The following NHERF1 variants were observed in gnomAD, a reference collection of about 807,000 sequenced individuals.
The protein encoded by NHERF1 is Na(+)/H(+) exchange regulatory cofactor NHE-RF1.
chr17:74,755,436 C>T, the NHERF1 span, among the ~76,000 whole-genome samples: 1 of 152,176 alleles, frequency 6.6e-6, no homozygotes, highest in African/African-American at 2.4e-5. Flanking sequence ...AAGCCTTCCC[C>T]TCATGGTAGG....
At chr17:74,756,780 T>G in the NHERF1 span, among the ~76,000 whole-genome samples, 1 of 152,178 alleles carries the variant, frequency 6.6e-6, no homozygotes, top group Non-Finnish European at 1.5e-5. Context: ...AATACTTTCC[T>G]TTTAGGACTA....
At chr17:74,765,190 T>TTGAGC in the NHERF1 span, among the ~76,000 whole-genome samples, 2 of 152,172 alleles carry the variant, frequency 1.3e-5, no homozygotes, top group East Asian at 3.8e-4. Flanking sequence ...GACACACCCC[T>TTGAGC]TGAGCCTTCT....
the NHERF1 span, chr17:74,749,126 G>A: frequency 1.3e-6 from 2 of 1,569,298 alleles, no homozygotes; most frequent in Non-Finnish European, 1.7e-6. This position sits in a 1 kb window ranked among gnomAD's most constrained non-coding sequence, Gnocchi z 5.6. Context: ...GGTCGACCCC[G>A]AGACGGACGA....
At chr17:74,748,733 G>C in the NHERF1 span, 1 of 966,206 alleles carries the variant, frequency 1.0e-6, no homozygotes, top group Non-Finnish European at 1.5e-6. This position sits in a 1 kb window ranked among gnomAD's most constrained non-coding sequence, Gnocchi z 4.3. Context: ...CCGTCCGGCG[G>C]CTCAGGGCTT....
chr17:74,763,158 T>C, the NHERF1 span: 6 of 535,466 alleles, frequency 1.1e-5, no homozygotes, highest in African/African-American at 9.5e-5. Flanking sequence ...GCCCTTCCCA[T>C]GTATCCTGCC....
the NHERF1 span, chr17:74,768,238 T>C: frequency 2.2e-4 from 356 of 1,610,594 alleles, no homozygotes; most frequent in Non-Finnish European, 2.8e-4. Context: ...AGCGAGGAGG[T>C]AGGCCAGCCA....
chr17:74,751,938 C>CACGT, the NHERF1 span, among the ~76,000 whole-genome samples: 1 of 152,224 alleles, frequency 6.6e-6, no homozygotes. The surrounding 1 kb of genome is among the most constrained non-coding windows in gnomAD (Gnocchi z 4.3). Context: ...GTGTGTAAAG[C>CACGT]ACGTAGCTCA....
chr17:74,749,511 T>C, the NHERF1 span, among the ~76,000 whole-genome samples: 6 of 152,202 alleles, frequency 3.9e-5, no homozygotes, highest in African/African-American at 1.4e-4. The surrounding 1 kb of genome is among the most constrained non-coding windows in gnomAD (Gnocchi z 5.6). Context: ...TGCTGGGAGC[T>C]TGAGCGCCTT....
At chr17:74,765,557 C>CA in the NHERF1 span, among the ~76,000 whole-genome samples, 2 of 128,830 alleles carry the variant, frequency 1.6e-5, no homozygotes, top group Non-Finnish European at 3.3e-5. Context: ...CGCGCCTGGC[C>CA]TTTTTTTTTT....
the NHERF1 span, among the ~76,000 whole-genome samples, chr17:74,764,728 G>A: frequency 6.6e-6 from 1 of 152,210 alleles, no homozygotes; most frequent in Non-Finnish European, 1.5e-5. This position sits in a 1 kb window ranked among gnomAD's most constrained non-coding sequence, Gnocchi z 4.9. Context: ...CAAAGGACCT[G>A]AAGAGGGAGA....
At chr17:74,748,728 C>G in the NHERF1 span, 1 of 911,870 alleles carries the variant, frequency 1.1e-6, no homozygotes, top group Non-Finnish European at 1.6e-6. This position sits in a 1 kb window ranked among gnomAD's most constrained non-coding sequence, Gnocchi z 4.3. Flanking sequence ...TTGGCCCGTC[C>G]GGCGGCTCAG....
the NHERF1 span, chr17:74,763,423 G>T: frequency 1.9e-6 from 3 of 1,613,954 alleles, no homozygotes; most frequent in Non-Finnish European, 2.5e-6. Context: ...CCGCCATCAG[G>T]GCTGGCGGGG....
chr17:74,755,622 C>A, the NHERF1 span, among the ~76,000 whole-genome samples: 2 of 152,186 alleles, frequency 1.3e-5, no homozygotes, highest in African/African-American at 4.8e-5. Flanking sequence ...GCTCTGAATT[C>A]TCCGAGACAG....
chr17:74,760,119 C>G, the NHERF1 span, among the ~76,000 whole-genome samples: 1 of 152,258 alleles, frequency 6.6e-6, no homozygotes, highest in East Asian at 1.9e-4. The surrounding 1 kb of genome is among the most constrained non-coding windows in gnomAD (Gnocchi z 4.5). Flanking sequence ...ACCTAGGCGG[C>G]CCGGGGGAGG....
the NHERF1 span, among the ~76,000 whole-genome samples, chr17:74,755,585 A>T: frequency 6.6e-6 from 1 of 152,222 alleles, no homozygotes; most frequent in Non-Finnish European, 1.5e-5. Context: ...GCCAGGTTCA[A>T]GTCCCACTCA....
the NHERF1 span, chr17:74,768,309 C>T: frequency 7.2e-7 from 1 of 1,386,722 alleles, no homozygotes. Context: ...GTTCCTGGCA[C>T]ACCAGCCTGC....
chr17:74,763,639 C>A, the NHERF1 span: 1 of 962,726 alleles, frequency 1.0e-6, no homozygotes, highest in Non-Finnish European at 1.6e-6. Context: ...GGCATGGGTG[C>A]TCCCTCCTCC....
At chr17:74,759,887 C>T in the NHERF1 span, among the ~76,000 whole-genome samples, 1 of 152,292 alleles carries the variant, frequency 6.6e-6, no homozygotes, top group East Asian at 1.9e-4. Flanking sequence ...CATCTCTGAG[C>T]CTCAGTTTCC....
the NHERF1 span, chr17:74,749,112 T>A: frequency 6.3e-7 from 1 of 1,578,986 alleles, no homozygotes. This position sits in a 1 kb window ranked among gnomAD's most constrained non-coding sequence, Gnocchi z 5.6. Context: ...GTGCGCCTGC[T>A]GGTGGTCGAC....
Sources: allele counts gnomAD v4.1 joint callset (sites outside exome capture counted in the v4.1 genomes callset), GRCh38; gene constraint gnomAD v4.1.1; non-coding constraint Gnocchi (gnomAD v3.1); transcripts MANE v1.5; gene names NCBI Gene and HGNC (gene_info 2026-07-23, HGNC 2026-07-21).